Variants in ATP2B2 observed in about 807,000 individuals in gnomAD.
ATP2B2 encodes the protein plasma membrane calcium-transporting ATPase 2.
Under a neutral mutation model 120.0 loss-of-function variants are expected in ATP2B2, and 15 were observed. The ratio of observed to expected loss-of-function variants is 0.12; its 90% CI spans 0.08 to 0.19. ATP2B2 has a LOEUF of 0.19. Ranked by LOEUF, ATP2B2 falls within the 10% of genes least tolerant of loss-of-function variation. The pLI is 1.00. For missense variants in ATP2B2, 1,045 were observed against 1,719.8 expected, an observed-to-expected ratio of 0.61 and a Z score of 6.94; for synonymous variants, 694 against 700.3, an observed-to-expected ratio of 0.99 and a Z score of 0.14.
chr3:10,654,435 A>G (rs2070555608), intron 1 of ATP2B2, among the ~76,000 whole-genome samples: 1 of 152,144 alleles, frequency 6.6e-6, no homozygotes, highest in African/African-American at 2.4e-5. Context: ...TCCAGGCTGT[A>G]CAGGCTGAGC....
chr3:10,607,563 C>A (rs1413739693), intron 2 of ATP2B2, among the ~76,000 whole-genome samples: 2 of 152,202 alleles, frequency 1.3e-5, no homozygotes, highest in Non-Finnish European at 2.9e-5. Context: ...CTAAATGATC[C>A]ATTTCTAGGG....
intron 1 of ATP2B2, among the ~76,000 whole-genome samples, chr3:10,657,539 G>A (rs541086990): frequency 3.3e-5 from 5 of 152,372 alleles, no homozygotes; most frequent in South Asian, 2.1e-4. Flanking sequence ...AGGCGGCAGC[G>A]AGGCTTGGGG....
chr3:10,681,346 T>A (rs144883179), intron 1 of ATP2B2, among the ~76,000 whole-genome samples: 310 of 152,288 alleles, frequency 2.0e-3, no homozygotes, highest in African/African-American at 6.5e-3. Flanking sequence ...GGCAAAATGA[T>A]TGCAATCTCT....
At chr3:10,440,722 C>T (rs73814224) in intron 2 of ATP2B2, among the ~76,000 whole-genome samples, 2,185 of 152,340 alleles carry the variant, frequency 0.014, 52 homozygotes, top group African/African-American at 0.05. Context: ...ACCTTTAGAA[C>T]ATTTCCTCTT....
chr3:10,442,383 T>C lies in ATP2B2; in HGVS notation c.199+6962A>G, dbSNP rs2125147412. On this transcript the variant is annotated intron_variant, in intron 2 of 22. Coordinates refer to ENST00000360273, the MANE Select transcript of ATP2B2 (RefSeq NM_001001331.4). ...AGTCAGCTGCCGGGCAGGATCTTTA[T>C]CTATCTGTCCCGTGCTCTCCCTGCC... Among the ~76,000 whole-genome samples, 2 of 152,350 alleles carry C rather than the reference T, an allele frequency of 1.3e-5. 1 individual carries two copies. Among genetic ancestry groups the C allele is most frequent in the Admixed American group, 1.3e-4 (2 of 15,306 alleles).
At chr3:10,556,438 T>C (rs1237817072) in intron 2 of ATP2B2, among the ~76,000 whole-genome samples, 22 of 152,172 alleles carry the variant, frequency 1.4e-4, no homozygotes. Flanking sequence ...AAATTGACTG[T>C]GTCAGGAGAG....
intron 21 of ATP2B2, among the ~76,000 whole-genome samples, chr3:10,339,095 G>T (rs62240131): frequency 2.6e-5 from 4 of 152,262 alleles, no homozygotes; most frequent in Admixed American, 1.3e-4. Flanking sequence ...GCCTCAGGGG[G>T]CTCCCTGGGA....
At chr3:10,450,045 G>A (rs1333909593) in intron 1 of ATP2B2, among the ~76,000 whole-genome samples, 183 bp from the exon 2 acceptor site, 1 of 152,056 alleles carries the variant, frequency 6.6e-6, no homozygotes, top group Non-Finnish European at 1.5e-5. Context: ...GGCACTCCAC[G>A]ATATGCCACC....
In ATP2B2 at chr3:10,449,488, C is replaced by T. The variant is rs746087232; in HGVS notation, c.56G>A (p.Ser19Asn). The change falls in exon 2 of 23, where the codon AGC becomes AAC. Residue 19 changes from serine to asparagine, a missense_variant. Ser to Asn is a conservative substitution (Grantham distance 46). This residue lies in a region of ATP2B2 where 139 missense variants were observed against 134.2 expected (regional missense o/e 1.04). Transcript: ENST00000360273. ...FYSKNQRNES[S>N]HGGEFGCTME... ...TGTGCACCCGAACTCGCCCCCATGGCTCGACTCATTTCTTTGGTTTTTGGA... is the reference window on the plus strand; with the variant it reads ...TGTGCACCCGAACTCGCCCCCATGGTTCGACTCATTTCTTTGGTTTTTGGA... 6.2e-6 allele frequency: 10 copies of T among 1,614,270 alleles called. No homozygotes were observed. The Admixed American group carries it at 1.5e-4, about 24-fold the overall frequency.
intron 2 of ATP2B2, among the ~76,000 whole-genome samples, chr3:10,415,668 G>A (rs1445189730): frequency 6.6e-6 from 1 of 152,156 alleles, no homozygotes; most frequent in Non-Finnish European, 1.5e-5. Flanking sequence ...ATATTTTTGG[G>A]AGCAGAAACA....
chr3:10,614,971 G>C (rs2013859), intron 2 of ATP2B2, among the ~76,000 whole-genome samples: 143,812 of 152,284 alleles, frequency 0.94, 68,015 homozygotes, highest in African/African-American at 0.99. Context: ...TCTCAATCAA[G>C]TGTCCCCTCA....
chr3:10,671,705 G>A lies in ATP2B2; in HGVS notation c.-460+36210C>T, dbSNP rs1204865742. On this transcript the variant is annotated intron_variant, in intron 1 of 21. Coordinates refer to the ATP2B2 transcript ENST00000646379. The stretch of plus-strand genomic sequence containing the variant: ...ATCCCAGTTTGATTCTAGTGCTTGG[G>A]GTGGATGCCCTGGTGACTTACTAAA... Among the ~76,000 whole-genome samples the A allele has an allele frequency of 3.4e-5, 3 of 87,522 alleles. No individual in the cohort carries two copies. In the East Asian group the frequency reaches 1.0e-3, roughly 30 times the overall value. 57.4% of individuals were successfully genotyped at this position (87,522 alleles called of 152,430 possible).
rs544270503 is a variant in ATP2B2, at chr3:10,554,073, G to A, written c.-414-19940C>T. Among the ~76,000 whole-genome samples the A allele has an allele frequency of 7.2e-5, 11 of 152,138 alleles. 1 individual carries two copies. The highest frequency in any genetic ancestry group is 4.2e-4 in the South Asian group (2 of 4,812). On this transcript the variant is annotated intron_variant, in intron 2 of 21. Coordinates refer to the ATP2B2 transcript ENST00000646379. ...AAGGCATAGGAAGGCATGAGGGCCC[G>A]GTGAGAGGCTGCCAGCTGCCATTGC... is the stretch of plus-strand genomic sequence containing the variant.
At chr3:10,517,439 T>A (rs1559434649) in intron 3 of ATP2B2, among the ~76,000 whole-genome samples, 1 of 152,300 alleles carries the variant, frequency 6.6e-6, no homozygotes, top group Non-Finnish European at 1.5e-5. Flanking sequence ...GTTGGGAAAA[T>A]AGCCACTGAG....
chr3:10,503,919 GT>G (rs1189041329), intron 1 of ATP2B2, among the ~76,000 whole-genome samples: 1 of 152,232 alleles, frequency 6.6e-6, no homozygotes, highest in Non-Finnish European at 1.5e-5. Context: ...ATTCGTGTGT[GT>G]GCTGTGTTTT....
At chr3:10,519,099 A>G (rs2066932091) in intron 3 of ATP2B2, among the ~76,000 whole-genome samples, 1 of 152,210 alleles carries the variant, frequency 6.6e-6, no homozygotes. Context: ...CATCATGCCA[A>G]TTTTGTAGAG....
chr3:10,358,209 G>C (rs1263176474), intron 14 of ATP2B2, among the ~76,000 whole-genome samples: 1 of 152,194 alleles, frequency 6.6e-6, no homozygotes, highest in Non-Finnish European at 1.5e-5. Flanking sequence ...ATCTGCACTG[G>C]GAGAACTATA....
chr3:10,680,792 G>A (rs918424438), intron 1 of ATP2B2, among the ~76,000 whole-genome samples: 2 of 152,300 alleles, frequency 1.3e-5, no homozygotes, highest in Admixed American at 1.3e-4. Flanking sequence ...GCCTCCTGAA[G>A]GCTGGATGTC....
At chr3:10,626,625 A>G (rs1378606584) in intron 1 of ATP2B2, 1 of 151,858 alleles carries the variant, frequency 6.6e-6, no homozygotes, top group Non-Finnish European at 1.5e-5. Context: ...GGATGGATGG[A>G]CTGGTGGATG....
Sources: allele counts gnomAD v4.1 joint callset (sites outside exome capture counted in the v4.1 genomes callset), GRCh38; gene constraint gnomAD v4.1.1; regional missense constraint gnomAD v4.1.1; transcripts MANE v1.5; gene names NCBI Gene and HGNC (gene_info 2026-07-23, HGNC 2026-07-21).